The following MACROD2 variants were observed in gnomAD, a reference collection of about 807,000 sequenced individuals.
The protein encoded by MACROD2 is mono-ADP ribosylhydrolase 2.
Under a neutral mutation model 70.4 loss-of-function variants are expected in MACROD2, and 36 were observed. The ratio of observed to expected loss-of-function variants is 0.51; its 90% confidence interval spans 0.39 to 0.68. The LOEUF (loss-of-function observed/expected upper bound fraction) is 0.68. Among genes scored for constraint, MACROD2 ranks in the 30% least tolerant of loss-of-function variants. The pLI, the probability that MACROD2 is intolerant of heterozygous loss-of-function variation, is 0.00. For missense variants in MACROD2, 496 were observed against 538.4 expected (o/e 0.92, Z 0.78); for synonymous variants, 172 against 178.8 (o/e 0.96, Z 0.30).
At chr20:16,020,451 A>T (rs1348224225) in intron 15 of MACROD2, among the ~76,000 whole-genome samples, 1 of 151,668 alleles carries the variant, frequency 6.6e-6, no homozygotes, top group East Asian at 1.9e-4. Flanking sequence ...ATTCAGAATA[A>T]TCCTTAATTA....
intron 7 of MACROD2, among the ~76,000 whole-genome samples, chr20:15,440,164 G>A (rs567517939): frequency 3.3e-5 from 5 of 152,134 alleles, no homozygotes; most frequent in Non-Finnish European, 7.4e-5. Flanking sequence ...GCTGAAAAGT[G>A]TATTCCGTGA....
chr20:14,639,379 T>C (rs1984967358), intron 4 of MACROD2, among the ~76,000 whole-genome samples: 1 of 76,538 alleles, frequency 1.3e-5, no homozygotes, highest in South Asian at 6.5e-4. Context: ...CAATCAACTT[T>C]GGTATGTTTT....
chr20:15,044,226 A>G (rs2075376124), intron 5 of MACROD2, among the ~76,000 whole-genome samples: 1 of 152,180 alleles, frequency 6.6e-6, no homozygotes, highest in Non-Finnish European at 1.5e-5. Context: ...TCCTATTAGC[A>G]TAATCTCAGG....
chr20:14,371,026 G>C (rs904761886), intron 3 of MACROD2, among the ~76,000 whole-genome samples: 2 of 151,954 alleles, frequency 1.3e-5, no homozygotes, highest in Non-Finnish European at 2.9e-5. Flanking sequence ...TTAAAAATTT[G>C]ATTTATTTTT....
intron 5 of MACROD2, among the ~76,000 whole-genome samples, chr20:14,768,601 G>A (rs1462087919): frequency 6.6e-6 from 1 of 151,950 alleles, no homozygotes; most frequent in African/African-American, 2.4e-5. Context: ...TTACAGGTAT[G>A]AGCCACTGTG....
At chr20:15,924,963 T>C (rs1446482071) in intron 10 of MACROD2, among the ~76,000 whole-genome samples, 1 of 152,206 alleles carries the variant, frequency 6.6e-6, no homozygotes, top group Non-Finnish European at 1.5e-5. Context: ...AACTTAGGGC[T>C]TAATGAAAAA....
chr20:14,843,543 T>C (rs2073108672), intron 5 of MACROD2, among the ~76,000 whole-genome samples: 2 of 152,118 alleles, frequency 1.3e-5, no homozygotes, highest in Non-Finnish European at 2.9e-5. Context: ...GTCCTGTTGA[T>C]GGACTGAAAA....
intron 5 of MACROD2, among the ~76,000 whole-genome samples, chr20:15,010,490 A>G (rs1243851427): frequency 6.6e-6 from 1 of 152,238 alleles, no homozygotes; most frequent in Non-Finnish European, 1.5e-5. Flanking sequence ...AGGTCATTTA[A>G]TTTTATGGTT....
chr20:15,248,141 G>A (rs393707), intron 6 of MACROD2, among the ~76,000 whole-genome samples: 15,012 of 152,220 alleles, frequency 0.099, 844 homozygotes, highest in African/African-American at 0.15. Flanking sequence ...CTCACCCCAG[G>A]ACTCTAGGCA....
chr20:14,280,659 T>C (rs1263086380), intron 3 of MACROD2, among the ~76,000 whole-genome samples: 4 of 152,186 alleles, frequency 2.6e-5, no homozygotes, highest in Non-Finnish European at 5.9e-5. Flanking sequence ...TTTGATGAAG[T>C]TCAACATTTT....
At chr20:14,600,983 G>A (rs1198803682) in intron 4 of MACROD2, among the ~76,000 whole-genome samples, 3 of 152,144 alleles carry the variant, frequency 2.0e-5, no homozygotes, top group Non-Finnish European at 4.4e-5. Flanking sequence ...GCTTTAAATG[G>A]AAGCCTCTGT....
intron 5 of MACROD2, among the ~76,000 whole-genome samples, chr20:15,133,731 T>A (rs192200831): frequency 1.5e-3 from 234 of 152,236 alleles, no homozygotes; most frequent in African/African-American, 5.3e-3. Context: ...CAGCTTTATT[T>A]ATACACCCTC....
At chr20:16,012,724 T>C (rs1185390260) in intron 15 of MACROD2, among the ~76,000 whole-genome samples, 1 of 152,258 alleles carries the variant, frequency 6.6e-6, no homozygotes, top group East Asian at 1.9e-4. Context: ...TTTGGTTTAC[T>C]ATGGTTATAG....
At position 14,209,400 on chromosome 20, in the gene MACROD2, A is replaced by AT. The variant is rs534189660; in HGVS notation, c.271+123680dup. On this transcript the variant is annotated intron_variant, in intron 3 of 17. Coordinates refer to ENST00000684519, the MANE Select transcript of MACROD2 (RefSeq NM_001351661.2). The stretch of plus-strand genomic sequence containing the variant: ...TCTCAGAAGCTCCAGGAGACAGGCA[A>AT]TTTTTTTTCATGATTTCACCAACAA... 1.1e-3 allele frequency among the ~76,000 whole-genome samples: 172 copies of AT among 152,028 alleles called. 3 individuals are homozygous for AT. The South Asian group carries it at 0.023, about 21-fold the overall frequency.
rs763712163 is a variant in MACROD2 at position 15,499,845 on chromosome 20, G to A, written c.643G>A (p.Glu215Lys). ...GGAATGGCTTGCCAAGAATCACCAT[G>A]AGGTAGGAGGAACGACATAATCAGT... ...IKEWLAKNHH[E>K]VDRIIFCVFL... is the part of the protein sequence containing the mutation. The change falls in exon 8 of 18, where the codon GAG (glutamate) becomes AAG (lysine). Residue 215 changes from glutamate (E) to lysine (K), a missense_variant and splice_region_variant. By Grantham distance (56) the Glu-to-Lys change is moderately conservative. Transcript: ENST00000684519. 5.6e-6 allele frequency: 9 copies of A among 1,613,150 alleles called. No individual in the cohort carries two copies. Among genetic ancestry groups the A allele is most frequent in the East Asian group, 2.2e-5 (1 of 44,878 alleles).
At chr20:14,371,683 GTAAC>G (rs1265813196) in intron 3 of MACROD2, among the ~76,000 whole-genome samples, 12 of 152,054 alleles carry the variant, frequency 7.9e-5, no homozygotes, top group Non-Finnish European at 1.8e-4. Flanking sequence ...AAGGAATTAA[GTAAC>G]TAAATAAAGT....
intron 7 of MACROD2, among the ~76,000 whole-genome samples, chr20:15,468,631 TG>T (rs778382110): frequency 1.3e-5 from 2 of 152,176 alleles, no homozygotes; most frequent in Admixed American, 6.5e-5. Context: ...GTCAATAAGG[TG>T]AGTTTGTTCC....
chr20:16,035,321 C>T (rs1235484975), intron 15 of MACROD2, among the ~76,000 whole-genome samples: 1 of 151,092 alleles, frequency 6.6e-6, no homozygotes, highest in Admixed American at 6.6e-5. Flanking sequence ...CATGCATGTG[C>T]AAGTATCTTT....
At chr20:15,933,027 C>CAGTATATACATATATATAGTTTATA (rs2065602671) in intron 10 of MACROD2, among the ~76,000 whole-genome samples, 1 of 152,116 alleles carries the variant, frequency 6.6e-6, no homozygotes, top group African/African-American at 2.4e-5. Flanking sequence ...ACCGGGACTG[C>CAGTATATACATATATATAGTTTATA]TGAGTGAATT....
Sources: allele counts gnomAD v4.1 joint callset (sites outside exome capture counted in the v4.1 genomes callset), GRCh38; gene constraint gnomAD v4.1.1; transcripts MANE v1.5; gene names NCBI Gene and HGNC (gene_info 2026-07-23, HGNC 2026-07-21).